DNAJC3: variants seen among roughly 807,000 people sequenced by gnomAD.
DNAJC3 encodes the protein dnaJ homolog subfamily C member 3.
In DNAJC3, 38 loss-of-function variants were observed where a neutral mutation model predicts 68.6. The ratio of observed to expected loss-of-function variants is 0.55; its 90% confidence interval spans 0.43 to 0.73. The LOEUF is 0.73. Ranked by LOEUF, DNAJC3 falls within the 30% of genes least tolerant of loss-of-function variation. The probability of loss-of-function intolerance (pLI) is 0.00; values close to 1 mark genes in which losing one functional copy is unlikely to be tolerated. For synonymous variants in DNAJC3, 203 were observed against 204.0 expected, an observed-to-expected ratio of 1.00 and a Z score of 0.04; for missense variants, 526 against 591.9, an observed-to-expected ratio of 0.89 and a Z score of 1.16.
In DNAJC3 at chr13:95,792,302, CAAG is replaced by C. The variant is rs1324846421; in HGVS notation, c.*1275_*1277del. 2.0e-5 allele frequency: 3 copies of C among 152,182 alleles called. No individual in the cohort carries two copies. The highest frequency in any genetic ancestry group is 7.2e-5 in the African/African-American group (3 of 41,444). The allele number at this position is 152,182 out of a possible 1,614,324, so 9.4% of individuals were successfully genotyped here. A position where few individuals can be genotyped will look rare whatever the true frequency, so the allele number is the denominator to read the frequency against. ...TGCTTTTTCCCTAAAAAATGTTAATCAAGAATATTGAATATTTATGGCACTCTT... is the reference window on the plus strand; with the variant it reads ...TGCTTTTTCCCTAAAAAATGTTAATCAATATTGAATATTTATGGCACTCTT... On this transcript the variant is annotated 3_prime_UTR_variant, in exon 12 of 12. Transcript: ENST00000602402.
At chr13:95,688,951 T>TGTGTGTGTGTGC (rs1403174683) in intron 1 of DNAJC3, among the ~76,000 whole-genome samples, 1 of 150,882 alleles carries the variant, frequency 6.6e-6, no homozygotes, top group African/African-American at 2.5e-5. Context: ...TGTGTGTGTG[T>TGTGTGTGTGTGC]GTGTGTGTGT....
Position 95,764,061 on chromosome 13 carries a change from T to C in DNAJC3, c.1075+108T>C, listed in dbSNP as rs950522740. On this transcript the variant is annotated intron_variant, in intron 9 of 11. Coordinates refer to ENST00000602402, the MANE Select transcript of DNAJC3 (RefSeq NM_006260.5). Reference sequence around the variant, plus strand: ...AAATTTACCAGAGTACCTGGAAATGTTGACAATTTTAGAAAAATGGCAGAG... The same window carrying C: ...AAATTTACCAGAGTACCTGGAAATGCTGACAATTTTAGAAAAATGGCAGAG... 4.0e-6 allele frequency: 6 copies of C among 1,491,724 alleles called. No individual in the cohort carries two copies. The African/African-American group carries it at 5.6e-5, about 14-fold the overall frequency. 92.4% of individuals were successfully genotyped at this position (1,491,724 alleles called of 1,614,324 possible).
intron 4 of DNAJC3, among the ~76,000 whole-genome samples, chr13:95,735,173 G>T (rs1206796519): frequency 1.4e-4 from 20 of 144,570 alleles, no homozygotes; most frequent in African/African-American, 5.2e-4. Context: ...TGGCTGCATA[G>T]TATTCCATGG....
chr13:95,789,160 AT>A (rs201551035), intron 11 of DNAJC3, among the ~76,000 whole-genome samples: 42 of 149,522 alleles, frequency 2.8e-4, no homozygotes, highest in East Asian at 1.2e-3. Context: ...AAGTCTTTTT[AT>A]TTTTTTTTTG....
chr13:95,750,432 G>A (rs1203605511), intron 4 of DNAJC3, among the ~76,000 whole-genome samples: 2 of 152,058 alleles, frequency 1.3e-5, no homozygotes, highest in Non-Finnish European at 2.9e-5. Flanking sequence ...GATCTCCATC[G>A]TCATCTATAG....
At position 95,764,447 on chromosome 13, in the gene DNAJC3, C is replaced by A. The variant is rs1449898088; in HGVS notation, c.1075+494C>A. Among the ~76,000 whole-genome samples, 4 of 146,450 alleles carry A rather than the reference C, an allele frequency of 2.7e-5. No homozygotes were observed. In the South Asian group the frequency reaches 8.6e-4, roughly 32 times the overall value. On this transcript the variant is annotated intron_variant, in intron 9 of 11. Transcript: ENST00000602402. Reference sequence around the variant, plus strand: ...GAAAGCATACATACATGTCATATATCCCTAATATAAAATGATCCTCTGTGA... The same window carrying A: ...GAAAGCATACATACATGTCATATATACCTAATATAAAATGATCCTCTGTGA...
At chr13:95,678,176 T>A (rs1879815343) in intron 1 of DNAJC3, among the ~76,000 whole-genome samples, 1 of 152,220 alleles carries the variant, frequency 6.6e-6, no homozygotes, top group South Asian at 2.1e-4. Context: ...ATTTAACGAA[T>A]GCTTCTGGCG....
chr13:95,735,044 C>T (rs1881858984), intron 4 of DNAJC3, among the ~76,000 whole-genome samples: 2 of 149,064 alleles, frequency 1.3e-5, no homozygotes, highest in Admixed American at 6.8e-5. Flanking sequence ...TTGTTCAATT[C>T]CCACCTATGA....
At chr13:95,729,600 G>A (rs911013678) in intron 4 of DNAJC3, among the ~76,000 whole-genome samples, 2 of 151,956 alleles carry the variant, frequency 1.3e-5, no homozygotes. Flanking sequence ...TTTACATAGT[G>A]GCTGTACTAA....
At chr13:95,718,589 C>T (rs1170203901) in intron 2 of DNAJC3, among the ~76,000 whole-genome samples, 3 of 152,120 alleles carry the variant, frequency 2.0e-5, no homozygotes, top group African/African-American at 4.8e-5. Flanking sequence ...TTAGTAGAGA[C>T]GGTGTTTCAC....
chr13:95,686,528 A>C (rs1322534334), intron 1 of DNAJC3, among the ~76,000 whole-genome samples: 2 of 152,168 alleles, frequency 1.3e-5, no homozygotes, highest in Non-Finnish European at 2.9e-5. Context: ...CAAAATGTTT[A>C]ATCTATCTTG....
chr13:95,730,886 A>G (rs1393267201), intron 4 of DNAJC3, among the ~76,000 whole-genome samples: 1 of 152,132 alleles, frequency 6.6e-6, no homozygotes, highest in Non-Finnish European at 1.5e-5. Flanking sequence ...GAATCTGTAG[A>G]TTGCTTTGGG....
At chr13:95,735,526 G>T (rs895384932) in intron 4 of DNAJC3, among the ~76,000 whole-genome samples, 1,938 of 150,832 alleles carry the variant, frequency 0.013, 45 homozygotes, top group African/African-American at 0.046. Flanking sequence ...ACTGGTGTGA[G>T]TTGGTATCTC....
At chr13:95,716,029 G>T (rs1881133870) in intron 2 of DNAJC3, among the ~76,000 whole-genome samples, 1 of 151,736 alleles carries the variant, frequency 6.6e-6, no homozygotes, top group Non-Finnish European at 1.5e-5. Context: ...GTGGTGGCAG[G>T]TGCCTGTAAT....
intron 4 of DNAJC3, among the ~76,000 whole-genome samples, chr13:95,728,570 C>T (rs185707607): frequency 1.3e-5 from 2 of 152,194 alleles, no homozygotes; most frequent in African/African-American, 4.8e-5. Context: ...ATTTTAGATA[C>T]TTTGTTGGAT....
chr13:95,791,200 G>C lies in DNAJC3; in HGVS notation c.*170G>C. On this transcript the variant is annotated 3_prime_UTR_variant, in exon 12 of 12. Transcript: ENST00000602402. ...TATCCCTGTCAGATTTATGGTTAAT[G>C]GGTTTGCAACGGCAAGGAGGCAAGG... 1 of 760,024 alleles carries C rather than the reference G, an allele frequency of 1.3e-6. No homozygotes were observed. The highest frequency in any genetic ancestry group is 2.1e-6 in the Non-Finnish European group (1 of 480,912). 47.1% of individuals were successfully genotyped at this position (760,024 alleles called of 1,614,324 possible). A position where few individuals can be genotyped will look rare whatever the true frequency, so the allele number is the denominator to read the frequency against.
intron 1 of DNAJC3, among the ~76,000 whole-genome samples, chr13:95,678,138 G>C (rs1219736665): frequency 3.9e-5 from 6 of 152,184 alleles, no homozygotes; most frequent in African/African-American, 1.4e-4. Flanking sequence ...GCAGCGGGGA[G>C]GAGTAAGAAT....
chr13:95,733,703 CTTT>C (rs146677839), intron 4 of DNAJC3, among the ~76,000 whole-genome samples: 1,883 of 102,956 alleles, frequency 0.018, 51 homozygotes, highest in African/African-American at 0.066. Flanking sequence ...CCTGGCCTGT[CTTT>C]TTTTTTTTTT....
At chr13:95,755,713 C>T (rs1222696310) in intron 4 of DNAJC3, among the ~76,000 whole-genome samples, 4 of 132,870 alleles carry the variant, frequency 3.0e-5, no homozygotes, top group African/African-American at 1.2e-4. Context: ...CCTGAGATTG[C>T]ACCACTGCAC....
Sources: allele counts gnomAD v4.1 joint callset (sites outside exome capture counted in the v4.1 genomes callset), GRCh38; gene constraint gnomAD v4.1.1; transcripts MANE v1.5; gene names NCBI Gene and HGNC (gene_info 2026-07-23, HGNC 2026-07-21).